The following ZNF148 variants were observed in gnomAD, a reference collection of about 807,000 sequenced individuals.
ZNF148 encodes the protein Beta-Enolase Repressor Factor-1.
A neutral mutation model predicts 67.7 loss-of-function variants in ZNF148; 7 were observed. That is an observed-to-expected ratio of 0.10 (90% CI 0.06 to 0.19). ZNF148 has a LOEUF of 0.19. Ranked by LOEUF, ZNF148 falls within the 10% of genes least tolerant of loss-of-function variation. ZNF148 has a pLI of 1.00. For missense variants in ZNF148, 583 were observed against 947.1 expected (o/e 0.62, Z 5.05); for synonymous variants, 333 against 330.7 (o/e 1.01, Z -0.08).
At chr3:125,283,064 G>A (rs947679456) in intron 5 of ZNF148, among the ~76,000 whole-genome samples, 4 of 152,088 alleles carry the variant, frequency 2.6e-5, no homozygotes, top group Non-Finnish European at 5.9e-5. Context: ...CACCTATTAT[G>A]AGACGTTCTA....
chr3:125,289,208 G>C (rs1938872064), intron 4 of ZNF148, among the ~76,000 whole-genome samples: 1 of 152,126 alleles, frequency 6.6e-6, no homozygotes, highest in Non-Finnish European at 1.5e-5. Context: ...ACATTTTCAA[G>C]AAACACACTA....
chr3:125,368,209 C>T (rs1942760580), intron 1 of ZNF148, among the ~76,000 whole-genome samples: 1 of 152,168 alleles, frequency 6.6e-6, no homozygotes, highest in African/African-American at 2.4e-5. Context: ...AAATTATTAA[C>T]AAACATACTC....
chr3:125,349,471 T>C (rs1334101835), intron 1 of ZNF148, among the ~76,000 whole-genome samples: 4 of 152,160 alleles, frequency 2.6e-5, no homozygotes, highest in Admixed American at 6.5e-5. Context: ...AACAGGTATA[T>C]AAGCAGATGC....
rs1214415886 is a variant in ZNF148 at position 125,272,904 on chromosome 3, T to C, written c.667+4822A>G. 2.0e-5 allele frequency among the ~76,000 whole-genome samples: 3 copies of C among 152,250 alleles called. No individual in the cohort carries two copies. The East Asian group carries it at 5.8e-4, about 29-fold the overall frequency. On this transcript the variant is annotated intron_variant, in intron 7 of 8. Transcript: ENST00000360647. ...AAGCTCTGTCCATGCCAGTGCAGTCTGGGCTTCAGCAATCACAATGCCAGG... is the reference window on the plus strand; with the variant it reads ...AAGCTCTGTCCATGCCAGTGCAGTCCGGGCTTCAGCAATCACAATGCCAGG...
chr3:125,362,154 A>G (rs571583588), intron 1 of ZNF148, among the ~76,000 whole-genome samples: 56 of 152,228 alleles, frequency 3.7e-4, no homozygotes, highest in Non-Finnish European at 6.6e-4. Flanking sequence ...TTTATTCTAA[A>G]TACAACTCTC....
chr3:125,339,084 C>G (rs1443361073), intron 1 of ZNF148, among the ~76,000 whole-genome samples: 1 of 152,182 alleles, frequency 6.6e-6, no homozygotes, highest in East Asian at 1.9e-4. Flanking sequence ...CTACATTTCC[C>G]CAGGCTGATC....
rs1472651152 is a variant in ZNF148, at chr3:125,226,589, G to T, written c.*5752C>A. On this transcript the variant is annotated 3_prime_UTR_variant, in exon 9 of 9. Coordinates refer to ENST00000360647, the MANE Select transcript of ZNF148 (RefSeq NM_021964.3). ...CATTAAACCTCTTATCAATAGGTCA[G>T]TTTAAAGAACATCTCTATGTTCCAT... 6.6e-6 allele frequency: 1 copy of T among 152,588 alleles called. No individual in the cohort carries two copies. Among genetic ancestry groups the T allele is most frequent in the Non-Finnish European group, 1.5e-5 (1 of 68,030 alleles). 9.5% of individuals were successfully genotyped at this position (152,588 alleles called of 1,614,324 possible). A position where few individuals can be genotyped will look rare whatever the true frequency, so the allele number is the denominator to read the frequency against.
chr3:125,297,156 CT>C (rs1233714889), intron 4 of ZNF148, among the ~76,000 whole-genome samples: 2 of 151,752 alleles, frequency 1.3e-5, no homozygotes, highest in Non-Finnish European at 2.9e-5. Context: ...TCTTAATATA[CT>C]AAGTTGTTCT....
intron 2 of ZNF148, among the ~76,000 whole-genome samples, chr3:125,326,673 A>G (rs577809142): frequency 5.2e-4 from 77 of 146,928 alleles, no homozygotes; most frequent in African/African-American, 1.8e-3. Context: ...ATATATGAGT[A>G]TATATATATA....
intron 3 of ZNF148, among the ~76,000 whole-genome samples, chr3:125,319,489 G>C (rs763026219): frequency 2.6e-4 from 40 of 152,076 alleles, no homozygotes; most frequent in Non-Finnish European, 5.3e-4. Context: ...ATGCTTGCTT[G>C]TTCTACAAGG....
intron 7 of ZNF148, among the ~76,000 whole-genome samples, chr3:125,251,653 G>C (rs554566362): frequency 6.6e-6 from 1 of 152,140 alleles, no homozygotes; most frequent in Admixed American, 6.5e-5. Context: ...CCACAATGAT[G>C]GGTCCAATAT....
Position 125,226,873 on chromosome 3 carries a change from T to C in ZNF148, c.*5468A>G, listed in dbSNP as rs1935659691. On this transcript the variant is annotated 3_prime_UTR_variant, in exon 9 of 9. Coordinates refer to ENST00000360647, the MANE Select transcript of ZNF148 (RefSeq NM_021964.3). ...ATATTTAAAAATATCACAAATCTCTTTTTATTTAACACTGAAAATTTCAAT... is the reference window on the plus strand; with the variant it reads ...ATATTTAAAAATATCACAAATCTCTCTTTATTTAACACTGAAAATTTCAAT... 1 of 152,198 alleles carries C rather than the reference T, an allele frequency of 6.6e-6. No individual in the cohort carries two copies. The highest frequency in any genetic ancestry group is 1.5e-5 in the Non-Finnish European group (1 of 68,030). 9.4% of individuals were successfully genotyped at this position (152,198 alleles called of 1,614,324 possible). A position where few individuals can be genotyped will look rare whatever the true frequency, so the allele number is the denominator to read the frequency against.
At chr3:125,257,558 TAAA>T (rs747363908) in intron 7 of ZNF148, among the ~76,000 whole-genome samples, 1,177 of 92,310 alleles carry the variant, frequency 0.013, 20 homozygotes, top group African/African-American at 0.05. Context: ...CCGTCTCTAT[TAAA>T]AAAAAAAAAA....
chr3:125,232,366 G>A lies in ZNF148; in HGVS notation c.2360C>T (p.Ala787Val), dbSNP rs1231325143. ...TTAGCCAAAAGTCTGGCCAGTTGTG[G>A]CATCAGGTGAAGATGTCATCCCAGC... Reference protein sequence around the residue: ...NRAGMTSSPDATTGQTFG With the variant: ...NRAGMTSSPDVTTGQTFG Residue 787 changes from alanine (A) to valine (V), a missense_variant, in exon 9 of 9, where the codon GCC becomes GTC. Coordinates refer to ENST00000360647, the MANE Select transcript of ZNF148 (RefSeq NM_021964.3). The surrounding 1 kb of genome is among the most constrained non-coding windows in gnomAD (Gnocchi z 4.2). 6.3e-7 allele frequency: 1 copy of A among 1,599,982 alleles called. No individual in the cohort carries two copies. The highest frequency in any genetic ancestry group is 1.7e-5 in the Admixed American group (1 of 59,448).
At chr3:125,371,213 G>C (rs1416417207) in intron 1 of ZNF148, among the ~76,000 whole-genome samples, 6 of 151,708 alleles carry the variant, frequency 4.0e-5, no homozygotes, top group Non-Finnish European at 1.5e-5. Context: ...AAAGTTAGCT[G>C]GGAGTGGTGG....
At chr3:125,360,394 T>G (rs1034634632) in intron 1 of ZNF148, among the ~76,000 whole-genome samples, 10 of 152,160 alleles carry the variant, frequency 6.6e-5, no homozygotes, top group Non-Finnish European at 1.3e-4. Flanking sequence ...CAAGTGATTC[T>G]CCCACCTCAG....
chr3:125,280,508 C>A (rs1485833838), intron 5 of ZNF148, among the ~76,000 whole-genome samples: 1 of 151,724 alleles, frequency 6.6e-6, no homozygotes, highest in Non-Finnish European at 1.5e-5. Flanking sequence ...ATGAGGAAAC[C>A]CCGTCTCCAC....
rs543587333 is a variant in ZNF148, at chr3:125,226,553, G to A, written c.*5788C>T. The A allele has an allele frequency of 2.2e-4, 34 of 152,676 alleles. 1 individual carries two copies. The highest frequency in any genetic ancestry group is 7.9e-4 in the African/African-American group (33 of 41,556). 9.5% of individuals were successfully genotyped at this position (152,676 alleles called of 1,614,324 possible). On this transcript the variant is annotated 3_prime_UTR_variant, in exon 9 of 9. Coordinates refer to ENST00000360647, the MANE Select transcript of ZNF148 (RefSeq NM_021964.3). ...TAACTATATGACAATAGTGTTGAAAGCCGTGAAACTCATTAAACCTCTTAT... is the reference window on the plus strand; with the variant it reads ...TAACTATATGACAATAGTGTTGAAAACCGTGAAACTCATTAAACCTCTTAT...
chr3:125,243,899 T>C (rs1490439126), intron 7 of ZNF148, among the ~76,000 whole-genome samples: 2 of 152,192 alleles, frequency 1.3e-5, no homozygotes, highest in African/African-American at 2.4e-5. Context: ...AACACTTAAA[T>C]GAAAAATTCC....
Sources: allele counts gnomAD v4.1 joint callset (sites outside exome capture counted in the v4.1 genomes callset), GRCh38; gene constraint gnomAD v4.1.1; non-coding constraint Gnocchi (gnomAD v3.1); transcripts MANE v1.5; gene names NCBI Gene and HGNC (gene_info 2026-07-23, HGNC 2026-07-21).